Variants in ARHGEF11 observed in about 807,000 individuals in gnomAD.
The protein encoded by ARHGEF11 is Rho guanine nucleotide exchange factor 11, also known as Rho guanine exchange factor (GEF) 11.
Under a neutral mutation model 193.7 loss-of-function variants are expected in ARHGEF11, and 55 were observed. That is an observed-to-expected ratio of 0.28 (90% CI 0.23 to 0.36). ARHGEF11 has a LOEUF of 0.36. Among genes scored for constraint, ARHGEF11 ranks in the 10% least tolerant of loss-of-function variants. The pLI is 1.00. For missense variants in ARHGEF11, 1,723 were observed against 2,005.6 expected (o/e 0.86, Z 2.69); for synonymous variants, 693 against 768.0 (o/e 0.90, Z 1.62).
chr1:156,942,100 C>T, intron 33 of ARHGEF11, 111 bp from the exon 34 acceptor site: 1 of 1,523,486 alleles, frequency 6.6e-7, no homozygotes, highest in African/African-American at 1.4e-5. Flanking sequence ...AACCCTCTGC[C>T]TGGCAGGTGC....
rs370213960 is a variant in ARHGEF11 at position 156,944,086 on chromosome 1, C to G, written c.3084G>C (p.Leu1028=). 3.7e-6 allele frequency: 6 copies of G among 1,613,730 alleles called. No homozygotes were observed. In the African/African-American group the frequency reaches 8.0e-5, roughly 22 times the overall value. ...GTAGCAGCACTAGGAGGTCCTCCAGCAGCAGCACGTGGAGGTCTGGAGGGG... is the reference window on the plus strand; with the variant it reads ...GTAGCAGCACTAGGAGGTCCTCCAGGAGCAGCACGTGGAGGTCTGGAGGGG... The part of the protein sequence containing the change: ...KDKTLDLHVL[L]LEDLLVLLQK... Residue 1028 remains leucine (L), a synonymous_variant, in exon 32 of 41, where the codon CTG becomes CTC. Coordinates refer to ENST00000368194, the MANE Select transcript of ARHGEF11 (RefSeq NM_198236.3).
chr1:156,959,091 T>A lies in ARHGEF11; in HGVS notation c.1334A>T (p.Gln445Leu). The change falls in exon 16 of 41, where the codon CAA (glutamine) becomes CTA (leucine). Residue 445 changes from glutamine to leucine, a missense_variant. Gln to Leu is a moderately radical substitution (Grantham distance 113, BLOSUM62 -2). Transcript: ENST00000368194. Reference sequence around the variant, plus strand: ...TTGGATCTCAGGCATGGCTGCCTCTTGAGCTTCACAGAGAACACCACGGGC... The same window carrying A: ...TTGGATCTCAGGCATGGCTGCCTCTAGAGCTTCACAGAGAACACCACGGGC... ...EDARGVLCEAQEAAMPEIQEQ... is the reference protein window; with the variant it reads ...EDARGVLCEALEAAMPEIQEQ... The A allele has an allele frequency of 6.2e-7, 1 of 1,614,218 alleles. No homozygotes were observed. Among genetic ancestry groups the A allele is most frequent in the Non-Finnish European group, 8.5e-7 (1 of 1,180,038 alleles).
chr1:157,037,476 A>G (rs959719093), intron 1 of ARHGEF11, among the ~76,000 whole-genome samples: 1 of 152,148 alleles, frequency 6.6e-6, no homozygotes, highest in African/African-American at 2.4e-5. Context: ...TCTCTGCTCT[A>G]CAATAATCTT....
At position 156,937,164 on chromosome 1, in the gene ARHGEF11, G is replaced by A. The variant is rs140462765; in HGVS notation, c.4440+85C>T. 32 of 1,591,308 alleles carry A rather than the reference G, an allele frequency of 2.0e-5. No individual in the cohort carries two copies. In the East Asian group the frequency reaches 2.5e-4, roughly 12 times the overall value. Reference sequence around the variant, plus strand: ...GGCCAGGACAGGATCTAGGGCTCCCGCGAAGACACACATCTCACTCATGGG... The same window carrying A: ...GGCCAGGACAGGATCTAGGGCTCCCACGAAGACACACATCTCACTCATGGG... On this transcript the variant is annotated intron_variant, in intron 39 of 40. Transcript: ENST00000368194.
In ARHGEF11 at chr1:156,944,529, G is replaced by A. The variant is rs923170403; in HGVS notation, c.2992-96C>T. 3 of 1,336,202 alleles carry A rather than the reference G, an allele frequency of 2.2e-6. No individual in the cohort carries two copies. In the African/African-American group the frequency reaches 4.3e-5, roughly 19 times the overall value. The allele number at this position is 1,336,202 out of a possible 1,614,324, so 82.8% of individuals were successfully genotyped here. A position where few individuals can be genotyped will look rare whatever the true frequency, so the allele number is the denominator to read the frequency against. On this transcript the variant is annotated intron_variant, in intron 30 of 40. Transcript: ENST00000368194. ...TGCCAGACATTGTGTTAAGGTGCTG[G>A]GAATTGGTAAATAAGAAAAAGTCCT...
chr1:156,960,536 A>C lies in ARHGEF11; in HGVS notation c.1240-76T>G, dbSNP rs544547956. On this transcript the variant is annotated intron_variant, in intron 14 of 40. Coordinates refer to ENST00000368194, the MANE Select transcript of ARHGEF11 (RefSeq NM_198236.3). The stretch of plus-strand genomic sequence containing the variant: ...GAGATGAGCAGTGTGCAAGGCGAGG[A>C]GGGCTTGGCCACATGAACTTCTTGC... 1.1e-5 allele frequency: 16 copies of C among 1,444,340 alleles called. No individual in the cohort carries two copies. The East Asian group carries it at 3.6e-4, about 33-fold the overall frequency. The allele number at this position is 1,444,340 out of a possible 1,614,324, so 89.5% of individuals were successfully genotyped here.
At chr1:157,006,229 C>G (rs964620239) in intron 1 of ARHGEF11, among the ~76,000 whole-genome samples, 2 of 152,082 alleles carry the variant, frequency 1.3e-5, no homozygotes, top group African/African-American at 4.8e-5. Context: ...GCCTTAGACT[C>G]CCAAAGCACT....
rs139066053 is a variant in ARHGEF11 at position 156,935,688 on chromosome 1, C to T, written c.*312G>A. On this transcript the variant is annotated 3_prime_UTR_variant, in exon 41 of 41. Transcript: ENST00000368194. ...TGAGGGCAGCGCACATACAGGCGTGCGCGTGTACACACATATGTGGGGTGA... is the reference window on the plus strand; with the variant it reads ...TGAGGGCAGCGCACATACAGGCGTGTGCGTGTACACACATATGTGGGGTGA... 2,336 of 312,636 alleles carry T rather than the reference C, an allele frequency of 7.5e-3. 14 individuals carry two copies. Among genetic ancestry groups the T allele is most frequent in the Middle Eastern group, 0.015 (17 of 1,140 alleles). The allele number at this position is 312,636 out of a possible 1,614,324, so 19.4% of individuals were successfully genotyped here.
intron 7 of ARHGEF11, among the ~76,000 whole-genome samples, 161 bp from the exon 8 acceptor site, chr1:156,971,977 A>G (rs1253853677): frequency 6.6e-6 from 1 of 152,216 alleles, no homozygotes; most frequent in African/African-American, 2.4e-5. Context: ...TTTCAACATC[A>G]TTCAGGATCA....
chr1:156,992,317 C>T (rs1226985128), intron 1 of ARHGEF11, among the ~76,000 whole-genome samples: 2 of 152,224 alleles, frequency 1.3e-5, no homozygotes, highest in Non-Finnish European at 2.9e-5. Context: ...CTTTACAATG[C>T]AGCCCGCATT....
chr1:156,984,465 C>T (rs762781755), intron 2 of ARHGEF11, 28 bp from the exon 3 acceptor site: 28 of 1,540,316 alleles, frequency 1.8e-5, no homozygotes, highest in South Asian at 5.9e-5. Flanking sequence ...AGGTTGAGTA[C>T]GCAGTGTCAC....
chr1:157,016,186 G>A (rs970293018), intron 1 of ARHGEF11, among the ~76,000 whole-genome samples: 2 of 152,082 alleles, frequency 1.3e-5, no homozygotes, highest in African/African-American at 4.8e-5. Context: ...CATGGTCAGC[G>A]AGCAACAAAA....
intron 1 of ARHGEF11, among the ~76,000 whole-genome samples, chr1:157,035,759 AAT>A (rs146909035): frequency 5.6e-5 from 7 of 123,962 alleles, no homozygotes; most frequent in African/African-American, 2.0e-4. Flanking sequence ...GCTATGTGGG[AAT>A]ATATATATAT....
Position 156,948,595 on chromosome 1 carries a change from C to G in ARHGEF11, c.1926-97G>C. The stretch of plus-strand genomic sequence containing the variant: ...TACCTGTGGCTCCATCTCAAAGATG[C>G]CTCCGTGCCACAGGTTCTCCTCCTG... On this transcript the variant is annotated intron_variant, in intron 22 of 40. Coordinates refer to ENST00000368194, the MANE Select transcript of ARHGEF11 (RefSeq NM_198236.3). The surrounding 1 kb of genome is among the most constrained non-coding windows in gnomAD (Gnocchi z 4.2). The G allele has an allele frequency of 6.2e-7, 1 of 1,607,358 alleles. No individual in the cohort carries two copies. The highest frequency in any genetic ancestry group is 2.2e-5 in the East Asian group (1 of 44,638).
chr1:156,999,102 T>C (rs1256977728), intron 1 of ARHGEF11, among the ~76,000 whole-genome samples: 1 of 152,180 alleles, frequency 6.6e-6, no homozygotes, highest in Non-Finnish European at 1.5e-5. Context: ...AGCCTAGACA[T>C]CTGGGTTCTA....
At chr1:157,035,178 G>A (rs968580075) in intron 1 of ARHGEF11, among the ~76,000 whole-genome samples, 1 of 152,084 alleles carries the variant, frequency 6.6e-6, no homozygotes, top group South Asian at 2.1e-4. Flanking sequence ...TGGGATGAGC[G>A]CTTAGGCCCC....
In ARHGEF11 at chr1:156,957,798, T is replaced by A. The variant is rs1660179907; in HGVS notation, c.1520A>T (p.Asp507Val). 1.9e-6 allele frequency: 3 copies of A among 1,614,140 alleles called. No individual in the cohort carries two copies. Among genetic ancestry groups the A allele is most frequent in the Admixed American group, 3.3e-5 (2 of 60,030 alleles). ...LGDILSKYEE[D>V]RSAPMDFALN... The stretch of plus-strand genomic sequence containing the variant: ...ACATCATAGACTTGCTTACCTCCTG[T>A]CTTCCTCATACTTGGACCTGGAATG... Residue 507 changes from aspartate to valine, a missense_variant, in exon 18 of 41, where the codon GAC becomes GTC. Coordinates refer to ENST00000368194, the MANE Select transcript of ARHGEF11 (RefSeq NM_198236.3).
At chr1:156,984,467 C>A in intron 2 of ARHGEF11, 30 bp from the exon 3 acceptor site, 1 of 1,537,604 alleles carries the variant, frequency 6.5e-7, no homozygotes, top group Non-Finnish European at 8.8e-7. Flanking sequence ...GTTGAGTACG[C>A]AGTGTCACTG....
chr1:156,973,948 A>G (rs1452087688), intron 7 of ARHGEF11, among the ~76,000 whole-genome samples: 1 of 152,236 alleles, frequency 6.6e-6, no homozygotes, highest in Non-Finnish European at 1.5e-5. Flanking sequence ...AAATGTCATC[A>G]GTCCCCCACT....
Sources: gnomAD v4.1 joint callset for allele counts (sites outside exome capture counted in the v4.1 genomes callset) on GRCh38, gnomAD v4.1.1 for gene constraint, Gnocchi (gnomAD v3.1) non-coding constraint, MANE v1.5 for transcripts, NCBI Gene and HGNC (gene_info 2026-07-23, HGNC 2026-07-21) for gene names.